The following ARHGAP32 variants were observed in gnomAD, a reference collection of about 807,000 sequenced individuals.
ARHGAP32 encodes the protein rho GTPase-activating protein 32.
In ARHGAP32, 51 loss-of-function variants were observed where a neutral mutation model predicts 186.5. That is an observed-to-expected ratio of 0.27 (90% CI 0.22 to 0.35). The LOEUF (loss-of-function observed/expected upper bound fraction) is 0.35, where lower values mean the gene tolerates loss of function less well. Ranked by LOEUF, ARHGAP32 falls within the 10% of genes least tolerant of loss-of-function variation. The probability of loss-of-function intolerance (pLI) is 1.00; values close to 1 mark genes in which losing one functional copy is unlikely to be tolerated. For missense variants in ARHGAP32, 2,186 were observed against 2,623.5 expected, an observed-to-expected ratio of 0.83 and a Z score of 3.64; for synonymous variants, 950 against 964.3, an observed-to-expected ratio of 0.99 and a Z score of 0.27.
intron 2 of ARHGAP32, among the ~76,000 whole-genome samples, chr11:129,140,910 C>A (rs1329244268): frequency 1.3e-5 from 2 of 152,152 alleles, no homozygotes; most frequent in African/African-American, 4.8e-5. Flanking sequence ...CTTTCCATGG[C>A]AACGTTTTTT....
intron 12 of ARHGAP32, among the ~76,000 whole-genome samples, chr11:128,993,809 A>G (rs569616538): frequency 1.3e-5 from 2 of 151,782 alleles, no homozygotes; most frequent in African/African-American, 4.8e-5. Context: ...CTCCCACCTC[A>G]ACCTCTCAAG....
intron 1 of ARHGAP32, among the ~76,000 whole-genome samples, chr11:129,255,393 A>G (rs1405721493): frequency 6.6e-6 from 1 of 152,090 alleles, no homozygotes; most frequent in South Asian, 2.1e-4. Context: ...TACAGAAAAA[A>G]TGCAGATCTA....
chr11:129,015,705 A>T (rs1317979690), intron 11 of ARHGAP32, among the ~76,000 whole-genome samples: 2 of 152,208 alleles, frequency 1.3e-5, no homozygotes, highest in African/African-American at 4.8e-5. Flanking sequence ...TTTCTGCAAA[A>T]CTGTGTATTC....
In ARHGAP32 at chr11:128,966,979, G is replaced by A. The variant is rs532785848; in HGVS notation, c.*1928C>T. The stretch of plus-strand genomic sequence containing the variant: ...TATCAGGTTTCCTAGCACTTTGACT[G>A]TAAAACAGTTGGTTCTGCACTTTTA... On this transcript the variant is annotated 3_prime_UTR_variant, in exon 23 of 23. Coordinates refer to ENST00000682385, the MANE Select transcript of ARHGAP32 (RefSeq NM_001378024.1). 8.5e-5 allele frequency: 13 copies of A among 152,308 alleles called. No homozygotes were observed. Among genetic ancestry groups the A allele is most frequent in the Admixed American group, 7.2e-4 (11 of 15,298 alleles). 9.4% of individuals were successfully genotyped at this position (152,308 alleles called of 1,614,324 possible).
intron 1 of ARHGAP32, among the ~76,000 whole-genome samples, chr11:129,264,635 G>C (rs1158989309): frequency 6.6e-6 from 1 of 152,196 alleles, no homozygotes; most frequent in African/African-American, 2.4e-5. Context: ...TCAAGCAAGA[G>C]AGTTGAATAG....
At chr11:129,119,753 T>C (rs970414251) in intron 5 of ARHGAP32, among the ~76,000 whole-genome samples, 15 of 152,046 alleles carry the variant, frequency 9.9e-5, no homozygotes, top group African/African-American at 3.4e-4. Flanking sequence ...GAGCCAGTAC[T>C]TTTAAAAGAG....
In ARHGAP32 at chr11:128,970,694, G is replaced by A; in HGVS notation, c.4519C>T (p.His1507Tyr). The A allele has an allele frequency of 6.2e-7, 1 of 1,614,176 alleles. No homozygotes were observed. Among genetic ancestry groups the A allele is most frequent in the Non-Finnish European group, 8.5e-7 (1 of 1,180,038 alleles). ...TGGCAGTTTGGAGTCATATTGAAATGCAAACAGTTATCTGGACCAAAGGGT... is the reference window on the plus strand; with the variant it reads ...TGGCAGTTTGGAGTCATATTGAAATACAAACAGTTATCTGGACCAAAGGGT... ...TEPFGPDNCL[H>Y]FNMTPNCQYR... The change falls in exon 23 of 23, where the codon CAT (histidine) becomes TAT (tyrosine). Residue 1507 changes from histidine to tyrosine, a missense_variant. Physicochemically the swap from His to Tyr is moderately conservative, Grantham distance 83. Transcript: ENST00000682385. The surrounding 1 kb of genome is among the most constrained non-coding windows in gnomAD (Gnocchi z 5.8).
chr11:128,990,394 C>T (rs905659343), intron 12 of ARHGAP32, among the ~76,000 whole-genome samples: 4 of 152,136 alleles, frequency 2.6e-5, no homozygotes, highest in African/African-American at 7.2e-5. Flanking sequence ...TCAGGAACAC[C>T]GTCCTGACAC....
Position 128,974,251 on chromosome 11 carries a change from T to A in ARHGAP32, c.2946A>T (p.Glu982Asp). Residue 982 changes from glutamate (E) to aspartate (D), a missense_variant, in exon 21 of 23, where the codon GAA becomes GAT. By Grantham distance (45) the Glu-to-Asp change is conservative. Coordinates refer to ENST00000682385, the MANE Select transcript of ARHGAP32 (RefSeq NM_001378024.1). ...GGGGCTGGACTTCAGATTCATATGC[T>A]TCTTGGGCAACTGTCTCATTTGTTT... ...KMKTNETVAQ[E>D]AYESEVQPLD... is the part of the protein sequence containing the mutation. 1 of 1,614,210 alleles carries A rather than the reference T, an allele frequency of 6.2e-7. No individual in the cohort carries two copies. Among genetic ancestry groups the A allele is most frequent in the Non-Finnish European group, 8.5e-7 (1 of 1,180,040 alleles).
chr11:128,976,687 G>T, intron 19 of ARHGAP32, 53 bp from the exon 20 acceptor site: 1 of 1,449,006 alleles, frequency 6.9e-7, no homozygotes, highest in Non-Finnish European at 9.7e-7. Context: ...TACATATGTG[G>T]TTAATGGGAT....
chr11:129,232,978 A>G (rs1020168505), intron 1 of ARHGAP32, among the ~76,000 whole-genome samples: 4 of 152,180 alleles, frequency 2.6e-5, no homozygotes, highest in African/African-American at 7.2e-5. Context: ...TGATTGGGGT[A>G]TGGATTACTT....
intron 1 of ARHGAP32, among the ~76,000 whole-genome samples, chr11:129,275,843 G>A (rs190321373): frequency 6.6e-6 from 1 of 152,304 alleles, no homozygotes; most frequent in Admixed American, 6.5e-5. Context: ...CTTAGCCATG[G>A]GCCAGATATG....
intron 12 of ARHGAP32, among the ~76,000 whole-genome samples, chr11:128,996,372 T>C (rs1179172473): frequency 6.6e-6 from 1 of 152,168 alleles, no homozygotes; most frequent in Non-Finnish European, 1.5e-5. Context: ...ATCCAAAAAA[T>C]GATTATATTT....
chr11:129,143,090 A>ATATATATATATATATATATATATATATAG (rs1258769121), intron 2 of ARHGAP32, among the ~76,000 whole-genome samples: 2 of 47,586 alleles, frequency 4.2e-5, no homozygotes, highest in Non-Finnish European at 9.3e-5. Context: ...TATATATATA[A>ATATATATATATATATATATATATATATAG]TCAACTGAAT....
upstream of ARHGAP32, among the ~76,000 whole-genome samples, chr11:129,193,732 A>ATATAATATATATT (rs1491217015): frequency 1.2e-5 from 1 of 80,314 alleles, no homozygotes; most frequent in South Asian, 3.5e-4. Flanking sequence ...TATTATATAT[A>ATATAATATATATT]ATATATATTA....
At chr11:129,046,054 C>T (rs1244346683) in intron 10 of ARHGAP32, among the ~76,000 whole-genome samples, 3 of 152,100 alleles carry the variant, frequency 2.0e-5, no homozygotes, top group South Asian at 2.1e-4. Context: ...AAATGTTTAA[C>T]AACTAGCTCT....
chr11:129,143,748 T>A (rs1943112353), intron 2 of ARHGAP32, among the ~76,000 whole-genome samples: 1 of 152,066 alleles, frequency 6.6e-6, no homozygotes, highest in Admixed American at 6.6e-5. Context: ...ACACTGAGGC[T>A]GCTGAGATCT....
chr11:129,118,412 G>A (rs1363749221), intron 5 of ARHGAP32, among the ~76,000 whole-genome samples: 1 of 151,268 alleles, frequency 6.6e-6, no homozygotes, highest in Non-Finnish European at 1.5e-5. Flanking sequence ...GAAAAATACA[G>A]AAAAAAAAAT....
At chr11:129,146,448 AG>A (rs2135440717) in intron 2 of ARHGAP32, among the ~76,000 whole-genome samples, 1 of 152,272 alleles carries the variant, frequency 6.6e-6, no homozygotes, top group South Asian at 2.1e-4. Context: ...CACATACATT[AG>A]TATATACAGG....
Sources: allele counts gnomAD v4.1 joint callset (sites outside exome capture counted in the v4.1 genomes callset), GRCh38; gene constraint gnomAD v4.1.1; non-coding constraint Gnocchi (gnomAD v3.1); transcripts MANE v1.5; gene names NCBI Gene and HGNC (gene_info 2026-07-23, HGNC 2026-07-21).